The following MBNL1 variants were observed in gnomAD, a reference collection of about 807,000 sequenced individuals.
MBNL1 encodes the protein muscleblind like splicing regulator 1.
A neutral mutation model predicts 42.2 loss-of-function variants in MBNL1; 8 were observed. The observed-to-expected ratio is 0.19, with a 90% CI of 0.11 to 0.34. The LOEUF (loss-of-function observed/expected upper bound fraction) is 0.34, where lower values mean the gene tolerates loss of function less well. Ranked by LOEUF, MBNL1 falls within the 10% of genes least tolerant of loss-of-function variation. MBNL1 has a pLI of 1.00. For synonymous variants in MBNL1, 169 were observed against 173.9 expected (o/e 0.97, Z 0.22); for missense variants, 309 against 495.3 (o/e 0.62, Z 3.57).
At chr3:152,268,712 C>A (rs568744190), upstream of MBNL1, 2 of 454,140 alleles carry the variant, frequency 4.4e-6, no homozygotes, top group South Asian at 1.6e-5. Flanking sequence ...CCCGCTCTTG[C>A]GGGCTCTGTC....
chr3:152,305,662 A>G (rs1456435213), intron 2 of MBNL1, among the ~76,000 whole-genome samples: 1 of 152,156 alleles, frequency 6.6e-6, no homozygotes. Context: ...AGCATGTAGC[A>G]ACTTAAGTAA....
chr3:152,317,102 C>A (rs1212223852), intron 2 of MBNL1, among the ~76,000 whole-genome samples: 13 of 152,104 alleles, frequency 8.5e-5, no homozygotes, highest in South Asian at 8.3e-4. Flanking sequence ...CAAAAAAAAG[C>A]TACTTGATGG....
At chr3:152,275,766 A>G (rs963685723) in intron 1 of MBNL1, among the ~76,000 whole-genome samples, 2 of 151,688 alleles carry the variant, frequency 1.3e-5, no homozygotes, top group Admixed American at 1.3e-4. Context: ...GTAGAAAAAC[A>G]AAAACGGACC....
chr3:152,355,851 GT>G (rs1157349112), intron 2 of MBNL1, among the ~76,000 whole-genome samples: 1 of 152,134 alleles, frequency 6.6e-6, no homozygotes, highest in Admixed American at 6.5e-5. Context: ...ACCAATTTCA[GT>G]ATTCTAGTTG....
At chr3:152,321,942 T>C (rs1185452345) in intron 2 of MBNL1, among the ~76,000 whole-genome samples, 1 of 152,090 alleles carries the variant, frequency 6.6e-6, no homozygotes, top group African/African-American at 2.4e-5. Context: ...TCTGGACATA[T>C]CAGTAATCTC....
intron 3 of MBNL1, among the ~76,000 whole-genome samples, chr3:152,429,229 T>C (rs1207404489): frequency 1.3e-5 from 2 of 152,244 alleles, no homozygotes; most frequent in Non-Finnish European, 2.9e-5. Context: ...ATAATCATGT[T>C]TGCATAGTTA....
In MBNL1 at chr3:152,269,101, C is replaced by T. The variant is rs1258745031; in HGVS notation, c.-790+9C>T. On this transcript the variant is annotated intron_variant, in intron 1 of 9. Coordinates refer to ENST00000324210, the MANE Select transcript of MBNL1 (RefSeq NM_021038.5). ...AAAAAAAAATGTGAGAGGTAAGTTTCCATTTTCACAGTTTCCCCGCGCCGC... is the reference window on the plus strand; with the variant it reads ...AAAAAAAAATGTGAGAGGTAAGTTTTCATTTTCACAGTTTCCCCGCGCCGC... The T allele has an allele frequency of 4.4e-6, 2 of 453,650 alleles. No homozygotes were observed. The highest frequency in any genetic ancestry group is 8.8e-6 in the Non-Finnish European group (2 of 226,084). 28.1% of individuals were successfully genotyped at this position (453,650 alleles called of 1,614,324 possible). A position where few individuals can be genotyped will look rare whatever the true frequency, so the allele number is the denominator to read the frequency against.
chr3:152,390,408 A>G lies in MBNL1; in HGVS notation c.175-24533A>G, dbSNP rs544042649. Among the ~76,000 whole-genome samples, 18 of 152,214 alleles carry G rather than the reference A, an allele frequency of 1.2e-4. No individual in the cohort carries two copies. The East Asian group carries it at 3.5e-3, about 29-fold the overall frequency. On this transcript the variant is annotated intron_variant, in intron 2 of 9. Transcript: ENST00000324210. Reference sequence around the variant, plus strand: ...AAGGTCTTCAAGAATGATACCATGCATGGAGCTGTCATCTCCTATGATAAC... The same window carrying G: ...AAGGTCTTCAAGAATGATACCATGCGTGGAGCTGTCATCTCCTATGATAAC...
At chr3:152,287,857 CTTAT>C (rs1354820081) in intron 1 of MBNL1, among the ~76,000 whole-genome samples, 1 of 152,132 alleles carries the variant, frequency 6.6e-6, no homozygotes, top group Non-Finnish European at 1.5e-5. Context: ...TTTGTGTTTC[CTTAT>C]TTGTTACAGC....
chr3:152,341,435 A>G (rs1054570550), intron 2 of MBNL1, among the ~76,000 whole-genome samples: 1 of 152,250 alleles, frequency 6.6e-6, no homozygotes, highest in African/African-American at 2.4e-5. Flanking sequence ...TAATTCACAA[A>G]CAGTATGAAG....
intron 2 of MBNL1, among the ~76,000 whole-genome samples, chr3:152,367,010 G>A (rs2096413953): frequency 6.6e-6 from 1 of 152,018 alleles, no homozygotes; most frequent in South Asian, 2.1e-4. Flanking sequence ...AAATTCTAAA[G>A]GAACAATACA....
intron 9 of MBNL1, among the ~76,000 whole-genome samples, chr3:152,461,859 G>C (rs1746586356): frequency 6.6e-6 from 1 of 151,782 alleles, no homozygotes; most frequent in African/African-American, 2.4e-5. Context: ...TTAGTTTTAG[G>C]TGAAAAAAGT....
At chr3:152,365,081 G>A (rs897251316) in intron 2 of MBNL1, among the ~76,000 whole-genome samples, 1 of 152,000 alleles carries the variant, frequency 6.6e-6, no homozygotes, top group African/African-American at 2.4e-5. Flanking sequence ...GATAGTTGCA[G>A]GTGGCATATG....
intron 3 of MBNL1, among the ~76,000 whole-genome samples, chr3:152,426,184 CTG>C (rs1357225472): frequency 6.7e-6 from 1 of 148,216 alleles, no homozygotes; most frequent in Non-Finnish European, 1.5e-5. Context: ...ACATCACACA[CTG>C]GGGCCTCCTG....
chr3:152,335,601 C>T (rs2089369135), intron 2 of MBNL1, among the ~76,000 whole-genome samples: 2 of 151,770 alleles, frequency 1.3e-5, no homozygotes, highest in African/African-American at 4.8e-5. Flanking sequence ...AGTTGTTCCT[C>T]CTTTCAATTC....
chr3:152,464,709 T>G lies in MBNL1; in HGVS notation c.*2343T>G, dbSNP rs1014584780. 3.3e-5 allele frequency: 5 copies of G among 152,606 alleles called. No individual in the cohort carries two copies. The highest frequency in any genetic ancestry group is 7.4e-5 in the Non-Finnish European group (5 of 68,020). 9.5% of individuals were successfully genotyped at this position (152,606 alleles called of 1,614,324 possible). A position where few individuals can be genotyped will look rare whatever the true frequency, so the allele number is the denominator to read the frequency against. ...GACTTTTTGTTGATAATCCAAATAC[T>G]CAAAGTTTACGTAATGAAAATTATA... On this transcript the variant is annotated 3_prime_UTR_variant, in exon 10 of 10. Transcript: ENST00000324210.
At chr3:152,399,159 A>G (rs936100172) in intron 2 of MBNL1, among the ~76,000 whole-genome samples, 1 of 152,190 alleles carries the variant, frequency 6.6e-6, no homozygotes, top group African/African-American at 2.4e-5. Context: ...CACAGAGCAC[A>G]TGAGAGGTCT....
At chr3:152,398,363 C>A (rs1001700098) in intron 2 of MBNL1, among the ~76,000 whole-genome samples, 2 of 151,696 alleles carry the variant, frequency 1.3e-5, no homozygotes, top group African/African-American at 4.8e-5. Context: ...TAAAAAAGAC[C>A]TATCATGTTT....
chr3:152,463,783 A>T lies in MBNL1; in HGVS notation c.*1417A>T, dbSNP rs371133788. ...GTTTGGATGTTGCAGCTAGTAAAGG[A>T]TATTTTTGCTCTGTTCAGCAGTTCT... On this transcript the variant is annotated 3_prime_UTR_variant, in exon 10 of 10. Coordinates refer to ENST00000324210, the MANE Select transcript of MBNL1 (RefSeq NM_021038.5). The T allele has an allele frequency of 5.9e-5, 9 of 152,594 alleles. No individual in the cohort carries two copies. In the East Asian group the frequency reaches 7.7e-4, roughly 13 times the overall value. 9.5% of individuals were successfully genotyped at this position (152,594 alleles called of 1,614,324 possible).
Sources: allele counts gnomAD v4.1 joint callset (sites outside exome capture counted in the v4.1 genomes callset), GRCh38; gene constraint gnomAD v4.1.1; transcripts MANE v1.5; gene names NCBI Gene and HGNC (gene_info 2026-07-23, HGNC 2026-07-21).